Variants in SNX29 observed in about 807,000 individuals in gnomAD.
SNX29 encodes sorting nexin-29.
A neutral mutation model predicts 102.1 loss-of-function variants in SNX29; 78 were observed. The ratio of observed to expected loss-of-function variants is 0.76; its 90% CI spans 0.64 to 0.92. The LOEUF is 0.92. Among genes scored for constraint, SNX29 ranks in the 40% least tolerant of loss-of-function variants. The pLI is 0.00. For missense variants in SNX29, 1,280 were observed against 1,061.7 expected (o/e 1.21, Z -2.86); for synonymous variants, 580 against 414.5 (o/e 1.40, Z -4.85).
At chr16:12,422,683 C>G (rs2084918100) in intron 18 of SNX29, among the ~76,000 whole-genome samples, 1 of 152,162 alleles carries the variant, frequency 6.6e-6, no homozygotes, top group Non-Finnish European at 1.5e-5. Context: ...TAATACCATC[C>G]TCAGGGACTT....
chr16:12,293,142 A>G (rs558610826), intron 15 of SNX29, among the ~76,000 whole-genome samples: 9 of 152,308 alleles, frequency 5.9e-5, no homozygotes, highest in African/African-American at 7.2e-5. Flanking sequence ...CGGTCTTGCT[A>G]TGTTGGCCAG....
chr16:12,385,213 G>C (rs528760679), intron 16 of SNX29, among the ~76,000 whole-genome samples: 1 of 152,272 alleles, frequency 6.6e-6, no homozygotes, highest in East Asian at 1.9e-4. Flanking sequence ...CGGGAGAAGG[G>C]ATTATCATTT....
At chr16:12,401,299 C>G (rs956356725) in intron 17 of SNX29, among the ~76,000 whole-genome samples, 3 of 150,876 alleles carry the variant, frequency 2.0e-5, no homozygotes, top group Non-Finnish European at 4.4e-5. Context: ...AAACCAGTCT[C>G]AATTAATTTT....
chr16:12,542,673 G>T (rs1238087242), intron 20 of SNX29, among the ~76,000 whole-genome samples: 3 of 152,126 alleles, frequency 2.0e-5, no homozygotes, highest in Non-Finnish European at 4.4e-5. Flanking sequence ...CAGCGTGTTG[G>T]GAACATGGAC....
At chr16:12,284,289 C>T (rs1596754630) in intron 15 of SNX29, among the ~76,000 whole-genome samples, 1 of 152,368 alleles carries the variant, frequency 6.6e-6, no homozygotes, top group Non-Finnish European at 1.5e-5. Context: ...CCCCTAACCT[C>T]TCTAAGCCTC....
At chr16:12,063,575 C>T (rs184122166) in intron 9 of SNX29, among the ~76,000 whole-genome samples, 101 of 152,000 alleles carry the variant, frequency 6.6e-4, no homozygotes, top group Non-Finnish European at 1.2e-3. Context: ...GATGGCGTTT[C>T]GCCATGTTGG....
chr16:12,313,713 C>G (rs1290747099), intron 15 of SNX29, among the ~76,000 whole-genome samples: 2 of 152,250 alleles, frequency 1.3e-5, no homozygotes, highest in African/African-American at 2.4e-5. Flanking sequence ...TTGCATCCCC[C>G]ACACCTCACC....
chr16:12,059,118 T>C (rs2050659498), intron 8 of SNX29, among the ~76,000 whole-genome samples: 1 of 152,076 alleles, frequency 6.6e-6, no homozygotes, highest in South Asian at 2.1e-4. Flanking sequence ...GGGGCTCACT[T>C]CTCGGGTTTG....
chr16:12,342,814 C>T (rs1334325988), intron 15 of SNX29, among the ~76,000 whole-genome samples: 1 of 152,136 alleles, frequency 6.6e-6, no homozygotes, highest in Non-Finnish European at 1.5e-5. Flanking sequence ...AGACCAGTAC[C>T]CCACAGTGCT....
At chr16:12,378,694 A>C (rs2082967436) in intron 16 of SNX29, among the ~76,000 whole-genome samples, 1 of 152,192 alleles carries the variant, frequency 6.6e-6, no homozygotes, top group Admixed American at 6.5e-5. Context: ...GGGAGCAGGC[A>C]TGCCAACCAT....
intron 15 of SNX29, among the ~76,000 whole-genome samples, chr16:12,307,991 G>T (rs1384042037): frequency 2.6e-5 from 4 of 152,244 alleles, no homozygotes; most frequent in African/African-American, 9.6e-5. Context: ...AGAGTGCTGT[G>T]TTAGCCACTG....
chr16:12,350,431 AT>A (rs2081961324), intron 15 of SNX29, among the ~76,000 whole-genome samples: 1 of 152,148 alleles, frequency 6.6e-6, no homozygotes, highest in African/African-American at 2.4e-5. Context: ...CTAAAACATC[AT>A]TTAATAGAAG....
chr16:12,173,067 T>A (rs1184165749), intron 13 of SNX29, among the ~76,000 whole-genome samples: 6 of 151,468 alleles, frequency 4.0e-5, no homozygotes, highest in Admixed American at 3.9e-4. Context: ...GGGTTGGAGG[T>A]TTTCTAAACA....
chr16:12,105,298 C>G (rs2053189454), intron 11 of SNX29, among the ~76,000 whole-genome samples: 1 of 146,968 alleles, frequency 6.8e-6, no homozygotes, highest in Admixed American at 6.8e-5. Flanking sequence ...GATCTCAGCT[C>G]ACTGCAACCT....
intron 13 of SNX29, among the ~76,000 whole-genome samples, chr16:12,170,066 G>A (rs1026892192): frequency 6.6e-6 from 1 of 152,078 alleles, no homozygotes; most frequent in African/African-American, 2.4e-5. Flanking sequence ...TTGTAGTGGG[G>A]GCTGTCCTGT....
At chr16:12,536,901 G>A (rs531943695) in intron 20 of SNX29, among the ~76,000 whole-genome samples, 1 of 152,222 alleles carries the variant, frequency 6.6e-6, no homozygotes, top group African/African-American at 2.4e-5. Context: ...GCTTGAGCCC[G>A]GGAGGTGGAG....
chr16:12,104,274 G>T (rs977958068), intron 11 of SNX29, among the ~76,000 whole-genome samples: 8 of 152,200 alleles, frequency 5.3e-5, no homozygotes, highest in African/African-American at 1.7e-4. Context: ...AAAAACTTGT[G>T]TCCAGGTGTG....
chr16:12,321,782 C>T (rs1221710956), intron 15 of SNX29, among the ~76,000 whole-genome samples: 2 of 152,144 alleles, frequency 1.3e-5, no homozygotes, highest in Non-Finnish European at 2.9e-5. Context: ...ATCTAGTTCT[C>T]AGAGGACAAA....
At chr16:12,418,364 T>C (rs2084729738) in intron 18 of SNX29, among the ~76,000 whole-genome samples, 1 of 125,090 alleles carries the variant, frequency 8.0e-6, no homozygotes, top group South Asian at 2.3e-4. Context: ...ACGATGAGGA[T>C]TGTATTTATT....
Sources: allele counts gnomAD v4.1 joint callset (sites outside exome capture counted in the v4.1 genomes callset), GRCh38; gene constraint gnomAD v4.1.1; transcripts MANE v1.5; gene names NCBI Gene and HGNC (gene_info 2026-07-23, HGNC 2026-07-21).